ITK: variants seen among roughly 807,000 people sequenced by gnomAD.
ITK encodes IL2 inducible T cell kinase.
In ITK, 45 loss-of-function variants were observed where a neutral mutation model predicts 87.6. That is an observed-to-expected ratio of 0.51 (90% CI 0.40 to 0.66). The LOEUF (loss-of-function observed/expected upper bound fraction) is 0.66. ITK is among the 30% of genes least tolerant of loss of function. The pLI is 0.00. For missense variants in ITK, 605 were observed against 766.3 expected (o/e 0.79, Z 2.48); for synonymous variants, 303 against 273.6 (o/e 1.11, Z -1.06).
chr5:157,191,398 T>A (rs1753751973), intron 1 of ITK, among the ~76,000 whole-genome samples: 1 of 152,182 alleles, frequency 6.6e-6, no homozygotes, highest in South Asian at 2.1e-4. Context: ...AAATTAGAAT[T>A]GAGTTAAATC....
chr5:157,208,927 A>C lies in ITK; in HGVS notation c.177A>C (p.Arg59=), dbSNP rs779404309. Residue 59 remains arginine, a synonymous_variant, in exon 2 of 17, where the codon CGA becomes CGC. Transcript: ENST00000422843. Reference sequence around the variant, plus strand: ...TGAAGGGGTCCATTGAGCTCTCCCGAATCAAATGTGTTGAGATTGTGAAAA... The same window carrying C: ...TGAAGGGGTCCATTGAGCTCTCCCGCATCAAATGTGTTGAGATTGTGAAAA... The part of the protein sequence containing the change: ...RTLKGSIELS[R]IKCVEIVKSD... 8 of 1,614,022 alleles carry C rather than the reference A, an allele frequency of 5.0e-6. No individual in the cohort carries two copies.
intron 1 of ITK, among the ~76,000 whole-genome samples, chr5:157,185,671 C>A (rs1417323605): frequency 1.3e-5 from 2 of 148,796 alleles, no homozygotes; most frequent in Admixed American, 6.7e-5. Context: ...CATGGTGAGA[C>A]TCCGTCTCCA....
chr5:157,214,135 AG>A, intron 3 of ITK, 55 bp from the exon 4 acceptor site: 2 of 1,476,560 alleles, frequency 1.4e-6, no homozygotes, highest in Non-Finnish European at 1.9e-6. Context: ...TAAAATTGGT[AG>A]CCCTTGATAG....
At chr5:157,247,136 G>A (rs983853641) in intron 15 of ITK, among the ~76,000 whole-genome samples, 2 of 152,190 alleles carry the variant, frequency 1.3e-5, no homozygotes, top group South Asian at 2.1e-4. Context: ...TAGAAACCAG[G>A]GGGGAGTTTG....
rs1754856553 is a variant in ITK, at chr5:157,240,054, T to G, written c.852-8T>G. 6.2e-7 allele frequency: 1 copy of G among 1,611,150 alleles called. No homozygotes were observed. Among genetic ancestry groups the G allele is most frequent in the Non-Finnish European group, 8.5e-7 (1 of 1,177,492 alleles). On this transcript the variant is annotated splice_polypyrimidine_tract_variant and splice_region_variant and intron_variant, in intron 9 of 16. Coordinates refer to ENST00000422843, the MANE Select transcript of ITK (RefSeq NM_005546.4). The stretch of plus-strand genomic sequence containing the variant: ...ATAATCATTACATTTGTGTTTCATT[T>G]GTTTAAGTGAGAACAATCCCTGTAT...
intron 1 of ITK, among the ~76,000 whole-genome samples, chr5:157,206,451 A>G (rs1338066116): frequency 1.3e-5 from 2 of 152,172 alleles, no homozygotes; most frequent in African/African-American, 4.8e-5. Context: ...GAATGGTTTC[A>G]GTAGGAATTA....
chr5:157,201,704 C>A lies in ITK; in HGVS notation c.139-7185C>A, dbSNP rs1479098568. Among the ~76,000 whole-genome samples, 3 of 144,136 alleles carry A rather than the reference C, an allele frequency of 2.1e-5. No individual in the cohort carries two copies. The East Asian group carries it at 6.2e-4, about 30-fold the overall frequency. 94.6% of individuals were successfully genotyped at this position (144,136 alleles called of 152,430 possible). A position where few individuals can be genotyped will look rare whatever the true frequency, so the allele number is the denominator to read the frequency against. ...TCCAGATTGAGAAAAAAAAGTAGAACTCTTTTTCATTGCACACCACATAAT... is the reference window on the plus strand; with the variant it reads ...TCCAGATTGAGAAAAAAAAGTAGAAATCTTTTTCATTGCACACCACATAAT... On this transcript the variant is annotated intron_variant, in intron 1 of 16. Coordinates refer to ENST00000422843, the MANE Select transcript of ITK (RefSeq NM_005546.4).
intron 9 of ITK, among the ~76,000 whole-genome samples, chr5:157,239,018 G>T (rs1484526906): frequency 6.6e-6 from 1 of 152,148 alleles, no homozygotes; most frequent in Non-Finnish European, 1.5e-5. Flanking sequence ...GGAAGGGCCC[G>T]ATCCAGGGAT....
In ITK at chr5:157,213,866, T is replaced by C. The variant is rs565802600; in HGVS notation, c.326-325T>C. 2.6e-5 allele frequency among the ~76,000 whole-genome samples: 4 copies of C among 152,276 alleles called. No individual in the cohort carries two copies. In the East Asian group the frequency reaches 7.7e-4, roughly 29 times the overall value. On this transcript the variant is annotated intron_variant, in intron 3 of 16. Coordinates refer to ENST00000422843, the MANE Select transcript of ITK (RefSeq NM_005546.4). Reference sequence around the variant, plus strand: ...CTTCTCATTACCCTTAAGGCACCTTTGTAGAGCCCAGTGTTTAACAATCTC... The same window carrying C: ...CTTCTCATTACCCTTAAGGCACCTTCGTAGAGCCCAGTGTTTAACAATCTC...
chr5:157,230,645 A>G (rs887817502), intron 7 of ITK, among the ~76,000 whole-genome samples: 1 of 152,230 alleles, frequency 6.6e-6, no homozygotes, highest in African/African-American at 2.4e-5. Flanking sequence ...AAAAATCTTT[A>G]TAGGCAATAC....
intron 1 of ITK, 53 bp downstream of exon 1, chr5:157,181,168 T>C: frequency 6.3e-7 from 1 of 1,578,198 alleles, no homozygotes; most frequent in Non-Finnish European, 8.7e-7. Flanking sequence ...ATGTTTGGAC[T>C]GGGCTAATGC....
At chr5:157,209,103 AGG>A in intron 2 of ITK, 110 bp downstream of exon 2, 1 of 765,754 alleles carries the variant, frequency 1.3e-6, no homozygotes, top group Middle Eastern at 2.3e-4. Context: ...TGGGAGGTTG[AGG>A]CAGGCAGATC....
intron 5 of ITK, among the ~76,000 whole-genome samples, chr5:157,219,639 A>G (rs1002595703): frequency 1.3e-5 from 2 of 152,134 alleles, no homozygotes; most frequent in Admixed American, 1.3e-4. Flanking sequence ...CCCTCACAAC[A>G]TGAGAGAAAT....
At chr5:157,227,899 C>T (rs1323082517) in intron 6 of ITK, among the ~76,000 whole-genome samples, 4 of 138,702 alleles carry the variant, frequency 2.9e-5, no homozygotes. Context: ...GGCACGATCT[C>T]GGCTCACTGC....
Position 157,243,750 on chromosome 5 carries a change from G to T in ITK, c.1188G>T (p.Gly396=), listed in dbSNP as rs1484244343. The stretch of plus-strand genomic sequence containing the variant: ...TGGCTATCAAAACCATTCGGGAAGG[G>T]GCTATGTCAGAAGAGGACTTCATAG... ...DKVAIKTIRE[G]AMSEEDFIEE... is the part of the protein sequence containing the mutation. The change falls in exon 12 of 17, where the codon GGG becomes GGT. Residue 396 remains glycine, a synonymous_variant. Coordinates refer to ENST00000422843, the MANE Select transcript of ITK (RefSeq NM_005546.4). 18 of 1,613,928 alleles carry T rather than the reference G, an allele frequency of 1.1e-5. No homozygotes were observed. The highest frequency in any genetic ancestry group is 1.4e-5 in the Non-Finnish European group (17 of 1,180,026).
At chr5:157,232,230 G>A (rs767847794) in intron 7 of ITK, 110 bp from the exon 8 acceptor site, 12 of 771,704 alleles carry the variant, frequency 1.6e-5, no homozygotes, top group African/African-American at 5.3e-5. Context: ...TTTTTTTAAA[G>A]CACTGGTAGA....
intron 7 of ITK, among the ~76,000 whole-genome samples, chr5:157,228,951 G>T (rs1280210941): frequency 6.6e-6 from 1 of 152,132 alleles, no homozygotes; most frequent in Non-Finnish European, 1.5e-5. Flanking sequence ...CGTGTCAGAT[G>T]AGCACAGAAG....
At chr5:157,250,201 C>A (rs953457849) in intron 16 of ITK, among the ~76,000 whole-genome samples, 6 of 152,196 alleles carry the variant, frequency 3.9e-5, no homozygotes, top group African/African-American at 1.4e-4. Context: ...TAAAAATCTC[C>A]TGTGCTTCAC....
intron 5 of ITK, among the ~76,000 whole-genome samples, chr5:157,220,661 C>A (rs1754396239): frequency 6.6e-6 from 1 of 152,198 alleles, no homozygotes; most frequent in Non-Finnish European, 1.5e-5. Context: ...ACAACCCTTC[C>A]TGAGCCCACA....
Sources: allele counts gnomAD v4.1 joint callset (sites outside exome capture counted in the v4.1 genomes callset), GRCh38; gene constraint gnomAD v4.1.1; transcripts MANE v1.5; gene names NCBI Gene and HGNC (gene_info 2026-07-23, HGNC 2026-07-21).